Variants in CHRM3 observed in about 807,000 individuals in gnomAD.
CHRM3 encodes cholinergic receptor muscarinic 3.
In CHRM3, 11 loss-of-function variants were observed where a neutral mutation model predicts 41.8. That is an observed-to-expected ratio of 0.26 (90% confidence interval 0.17 to 0.44). The LOEUF (loss-of-function observed/expected upper bound fraction) is 0.44. CHRM3 is among the 20% of genes least tolerant of loss of function. CHRM3 has a pLI of 1.00. For synonymous variants in CHRM3, 297 were observed against 301.4 expected, an observed-to-expected ratio of 0.99 and a Z score of 0.15; for missense variants, 571 against 745.4, an observed-to-expected ratio of 0.77 and a Z score of 2.72.
intron 3 of CHRM3, among the ~76,000 whole-genome samples, chr1:239,592,046 T>G (rs1664216976): frequency 6.6e-6 from 1 of 152,214 alleles, no homozygotes; most frequent in Non-Finnish European, 1.5e-5. Context: ...GTTCTGTGTT[T>G]CCAGAATTCC....
At chr1:239,763,692 A>G (rs891908980) in intron 5 of CHRM3, among the ~76,000 whole-genome samples, 6 of 152,252 alleles carry the variant, frequency 3.9e-5, no homozygotes, top group Non-Finnish European at 7.4e-5. Context: ...AATCATTTCA[A>G]TATTCAAGAA....
At position 239,772,141 on chromosome 1, in the gene CHRM3, A is replaced by G. The variant is rs566342682; in HGVS notation, c.-146-55111A>G. Among the ~76,000 whole-genome samples the G allele has an allele frequency of 8.5e-5, 13 of 152,222 alleles. No homozygotes were observed. The East Asian group carries it at 1.7e-3, about 20-fold the overall frequency. On this transcript the variant is annotated intron_variant, in intron 5 of 6. Coordinates refer to ENST00000676153, the MANE Select transcript of CHRM3 (RefSeq NM_001375978.1). Reference sequence around the variant, plus strand: ...ACAAAGAAAGAAACTTTCCATTTCTATGTATATACTTTTCTTTTTTTTTCT... The same window carrying G: ...ACAAAGAAAGAAACTTTCCATTTCTGTGTATATACTTTTCTTTTTTTTTCT...
At chr1:239,516,381 A>G (rs1195883964) in intron 2 of CHRM3, among the ~76,000 whole-genome samples, 2 of 152,246 alleles carry the variant, frequency 1.3e-5, no homozygotes, top group Non-Finnish European at 2.9e-5. Flanking sequence ...AAAAGCTGCT[A>G]TGAGAATTAG....
At chr1:239,467,646 G>A (rs572249046) in intron 1 of CHRM3, among the ~76,000 whole-genome samples, 2 of 152,222 alleles carry the variant, frequency 1.3e-5, no homozygotes, top group South Asian at 2.1e-4. Context: ...AAAAAATGGG[G>A]TATATGATTG....
intron 1 of CHRM3, among the ~76,000 whole-genome samples, chr1:239,391,212 G>A (rs6413955): frequency 0.97 from 147,222 of 152,290 alleles, 71,362 homozygotes; most frequent in East Asian, 1. Flanking sequence ...TGTGGCTTAT[G>A]TGATAACTGT....
In CHRM3 at chr1:239,628,618, C is replaced by A. The variant is rs1251575842; in HGVS notation, c.-312-3606C>A. Among the ~76,000 whole-genome samples, 3 of 60,536 alleles carry A rather than the reference C, an allele frequency of 5.0e-5. 1 individual carries two copies. Among genetic ancestry groups the A allele is most frequent in the Admixed American group, 3.9e-4 (3 of 7,596 alleles). 39.7% of individuals were successfully genotyped at this position (60,536 alleles called of 152,430 possible). ...TTCCAGTTTTTCTGTTCTGTTTTTC[C>A]CCATCTTTGTGGTTTTATCTACTTT... On this transcript the variant is annotated intron_variant, in intron 3 of 6. Transcript: ENST00000676153.
chr1:239,709,721 G>A (rs889743555), intron 5 of CHRM3, among the ~76,000 whole-genome samples: 2 of 152,106 alleles, frequency 1.3e-5, no homozygotes, highest in Admixed American at 6.6e-5. Flanking sequence ...TAACCTATGA[G>A]GCAATTTCTA....
intron 6 of CHRM3, among the ~76,000 whole-genome samples, chr1:239,832,992 T>C (rs1206379712): frequency 3.3e-5 from 5 of 152,266 alleles, no homozygotes; most frequent in Non-Finnish European, 7.4e-5. Context: ...AGCCTCATTT[T>C]TCCCAGCCCT....
intron 5 of CHRM3, among the ~76,000 whole-genome samples, chr1:239,741,631 TTTC>T (rs1664856545): frequency 6.6e-6 from 1 of 152,124 alleles, no homozygotes; most frequent in Admixed American, 6.5e-5. Flanking sequence ...AATGAAAGGA[TTTC>T]CACCACTGAA....
chr1:239,764,105 C>T (rs1479010095), intron 5 of CHRM3, among the ~76,000 whole-genome samples: 2 of 151,624 alleles, frequency 1.3e-5, no homozygotes, highest in Non-Finnish European at 2.9e-5. Flanking sequence ...AAAAAATCCT[C>T]AGGGGCTAAA....
intron 5 of CHRM3, among the ~76,000 whole-genome samples, chr1:239,785,086 C>G (rs1386654844): frequency 6.6e-6 from 1 of 152,180 alleles, no homozygotes; most frequent in Non-Finnish European, 1.5e-5. Flanking sequence ...TTCCACTATC[C>G]ATGTGCCAGC....
chr1:239,747,924 C>G lies in CHRM3; in HGVS notation c.-147+69636C>G, dbSNP rs1009918893. On this transcript the variant is annotated intron_variant, in intron 5 of 6. Transcript: ENST00000676153. ...TGGTGTCACGTGCCTGTAATCCCAGCTACTTGGGAGGCCAAGGCACAAGAA... is the reference window on the plus strand; with the variant it reads ...TGGTGTCACGTGCCTGTAATCCCAGGTACTTGGGAGGCCAAGGCACAAGAA... Among the ~76,000 whole-genome samples the G allele has an allele frequency of 5.3e-5, 8 of 152,248 alleles. No individual in the cohort carries two copies. In the South Asian group the frequency reaches 1.2e-3, roughly 24 times the overall value.
intron 6 of CHRM3, among the ~76,000 whole-genome samples, chr1:239,895,382 G>A (rs1231366153): frequency 1.3e-5 from 2 of 152,140 alleles, no homozygotes; most frequent in Admixed American, 1.3e-4. Context: ...ATCCTTCCAA[G>A]TTACTGCTCA....
chr1:239,670,672 C>G (rs887597778), intron 4 of CHRM3, among the ~76,000 whole-genome samples: 1 of 152,018 alleles, frequency 6.6e-6, no homozygotes, highest in Non-Finnish European at 1.5e-5. Flanking sequence ...GGATTACAGG[C>G]GTGCTCCACC....
chr1:239,404,436 A>AAG (rs536525319), intron 1 of CHRM3, among the ~76,000 whole-genome samples: 57 of 119,738 alleles, frequency 4.8e-4, no homozygotes, highest in African/African-American at 1.7e-3. Context: ...GAAAGAAAGA[A>AAG]AGAAAGAAAG....
intron 3 of CHRM3, among the ~76,000 whole-genome samples, chr1:239,553,932 A>G (rs1660101674): frequency 6.6e-6 from 1 of 152,200 alleles, no homozygotes; most frequent in Non-Finnish European, 1.5e-5. Context: ...TCTGTCGCCC[A>G]GGCTAGAGTG....
chr1:239,643,180 G>A (rs909540615), intron 4 of CHRM3, among the ~76,000 whole-genome samples: 37 of 152,156 alleles, frequency 2.4e-4, no homozygotes, highest in African/African-American at 8.2e-4. Flanking sequence ...CCCCTACTGG[G>A]GGGTGCCTCC....
intron 2 of CHRM3, among the ~76,000 whole-genome samples, chr1:239,515,801 A>ACCCTT (rs1669226419): frequency 6.6e-6 from 1 of 152,194 alleles, no homozygotes; most frequent in Non-Finnish European, 1.5e-5. Context: ...CACAATAGAT[A>ACCCTT]AAAATAAACT....
chr1:239,551,696 C>T (rs548065474), intron 3 of CHRM3, among the ~76,000 whole-genome samples: 177 of 152,236 alleles, frequency 1.2e-3, no homozygotes, highest in Non-Finnish European at 1.3e-3. Context: ...AGTGTTTTAA[C>T]ACATGACGCC....
Sources: allele counts gnomAD v4.1 joint callset (sites outside exome capture counted in the v4.1 genomes callset), GRCh38; gene constraint gnomAD v4.1.1; transcripts MANE v1.5; gene names NCBI Gene and HGNC (gene_info 2026-07-23, HGNC 2026-07-21).